Variants in LSP1 observed in about 807,000 individuals in gnomAD.
The protein encoded by LSP1 is lymphocyte specific protein 1.
Under a neutral mutation model 49.3 loss-of-function variants are expected in LSP1, and 32 were observed. The ratio of observed to expected loss-of-function variants is 0.65; its 90% confidence interval spans 0.49 to 0.87. The LOEUF (loss-of-function observed/expected upper bound fraction) is 0.87. Among genes scored for constraint, LSP1 ranks in the 40% least tolerant of loss-of-function variants. The probability of loss-of-function intolerance (pLI) is 0.00; values close to 1 mark genes in which losing one functional copy is unlikely to be tolerated. For synonymous variants in LSP1, 179 were observed against 178.8 expected, an observed-to-expected ratio of 1.00 and a Z score of -0.01; for missense variants, 428 against 442.6, an observed-to-expected ratio of 0.97 and a Z score of 0.30.
intron 1 of LSP1, among the ~76,000 whole-genome samples, chr11:1,860,516 A>G (rs1847603709): frequency 6.6e-6 from 1 of 152,194 alleles, no homozygotes; most frequent in African/African-American, 2.4e-5. Context: ...AAATAGATGG[A>G]TGGACAGAAG....
intron 1 of LSP1, among the ~76,000 whole-genome samples, chr11:1,856,633 T>C (rs1276988617): frequency 6.6e-6 from 1 of 152,160 alleles, no homozygotes; most frequent in African/African-American, 2.4e-5. Flanking sequence ...TGGCCATCTG[T>C]CCCTGGAGAC....
At chr11:1,883,895 A>AG in intron 4 of LSP1, 37 bp from the exon 5 acceptor site, 1 of 1,560,124 alleles carries the variant, frequency 6.4e-7, no homozygotes, top group Non-Finnish European at 8.7e-7. Flanking sequence ...GGGCACAAGC[A>AG]GGGGGTCACT....
Position 1,884,341 on chromosome 11 carries a change from T to C in LSP1, c.635+18T>C, listed in dbSNP as rs756426658. The C allele has an allele frequency of 8.1e-6, 13 of 1,613,870 alleles. No homozygotes were observed. On this transcript the variant is annotated intron_variant, in intron 6 of 10. Coordinates refer to ENST00000311604, the MANE Select transcript of LSP1 (RefSeq NM_002339.3). The surrounding 1 kb of genome is among the most constrained non-coding windows in gnomAD (Gnocchi z 4.1). ...GAGAAGAGGTCTGTCTGTCTGTCTG[T>C]CTGCTTTCTGGGCTCAGATCTTAGG...
chr11:1,889,230 G>C, intron 10 of LSP1: 1 of 674,708 alleles, frequency 1.5e-6, no homozygotes, highest in Non-Finnish European at 2.7e-6. Context: ...TGTGGGAGGG[G>C]GCCGGGTGGC....
chr11:1,889,079 C>T (rs543948191), intron 10 of LSP1: 365 of 584,400 alleles, frequency 6.2e-4, no homozygotes, highest in Non-Finnish European at 1.0e-3. Context: ...GGGCCCCCAG[C>T]TAGAGCCTCA....
intron 1 of LSP1, chr11:1,868,659 C>A: frequency 1.0e-6 from 1 of 985,536 alleles, no homozygotes; most frequent in Non-Finnish European, 1.2e-6. Context: ...GGTGGGGTAG[C>A]CCCCGCCCTG....
chr11:1,887,622 GCAC>G, intron 10 of LSP1, 46 bp downstream of exon 10: 4 of 1,520,418 alleles, frequency 2.6e-6, no homozygotes, highest in Non-Finnish European at 2.7e-6. Flanking sequence ...GCACACACGT[GCAC>G]TGTGCTGGGA....
intron 1 of LSP1, among the ~76,000 whole-genome samples, chr11:1,873,811 C>CCGG (rs1473820830): frequency 1.1e-4 from 14 of 129,016 alleles, no homozygotes; most frequent in African/African-American, 1.7e-4. Context: ...AGCAGGGAGC[C>CCGG]CAGCAGAGGA....
intron 10 of LSP1, chr11:1,889,097 C>G (rs1848874472): frequency 1.7e-6 from 1 of 594,890 alleles, no homozygotes; most frequent in African/African-American, 1.9e-5. Flanking sequence ...TCAGCCCCTT[C>G]TTCTGTCCAT....
intron 1 of LSP1, chr11:1,876,578 G>A (rs1848319231): frequency 1.0e-6 from 1 of 985,604 alleles, no homozygotes. Context: ...CTGCCTGCAG[G>A]GGGCAGAGTC....
intron 1 of LSP1, among the ~76,000 whole-genome samples, chr11:1,874,084 C>T (rs189345913): frequency 1.4e-3 from 130 of 90,728 alleles, no homozygotes; most frequent in African/African-American, 1.9e-3. Context: ...GGAGGGAGGC[C>T]GGCAGAGCAG....
At chr11:1,887,691 C>T (rs1848815548) in intron 10 of LSP1, 115 bp downstream of exon 10, 8 of 743,566 alleles carry the variant, frequency 1.1e-5, no homozygotes, top group South Asian at 3.5e-5. Flanking sequence ...GGGTGGACTC[C>T]GAGTTGGCCA....
intron 1 of LSP1, chr11:1,866,469 A>T: frequency 6.8e-7 from 1 of 1,474,118 alleles, no homozygotes; most frequent in East Asian, 2.5e-5. Context: ...GTGCAGATGC[A>T]GAGAGATGGC....
intron 1 of LSP1, among the ~76,000 whole-genome samples, chr11:1,854,157 A>T (rs543262086): frequency 1.8e-4 from 27 of 151,594 alleles, no homozygotes; most frequent in African/African-American, 5.8e-4. Context: ...GGGGATGGGG[A>T]TCCGGTGCTG....
chr11:1,889,855 C>T (rs1260804173), intron 10 of LSP1: 2 of 632,418 alleles, frequency 3.2e-6, no homozygotes, highest in Non-Finnish European at 5.8e-6. Context: ...ACAGGGGGCT[C>T]CTCAGGCAAG....
At chr11:1,880,257 A>C in intron 2 of LSP1, 33 bp downstream of exon 2, 2 of 1,544,284 alleles carry the variant, frequency 1.3e-6, no homozygotes, top group Non-Finnish European at 1.8e-6. Flanking sequence ...CCTGGGCTCT[A>C]GCCCCTATCC....
chr11:1,866,874 C>A, intron 1 of LSP1: 2 of 1,538,438 alleles, frequency 1.3e-6, no homozygotes, highest in East Asian at 4.9e-5. Flanking sequence ...CGGCCATGAG[C>A]ATCCGTCCAG....
intron 7 of LSP1, among the ~76,000 whole-genome samples, chr11:1,885,477 T>C (rs1162909841): frequency 6.6e-6 from 1 of 151,278 alleles, no homozygotes; most frequent in Non-Finnish European, 1.5e-5. Context: ...CCAAAACAAC[T>C]TCATCCAGTC....
At chr11:1,854,005 A>G in intron 1 of LSP1, among the ~76,000 whole-genome samples, 1 of 152,174 alleles carries the variant, frequency 6.6e-6, no homozygotes, top group African/African-American at 2.4e-5. Context: ...GCCAGCAGGC[A>G]TCCAGGCATC....
Sources: allele counts gnomAD v4.1 joint callset (sites outside exome capture counted in the v4.1 genomes callset), GRCh38; gene constraint gnomAD v4.1.1; non-coding constraint Gnocchi (gnomAD v3.1); transcripts MANE v1.5; gene names NCBI Gene and HGNC (gene_info 2026-07-23, HGNC 2026-07-21).